SRBD1: variants seen among roughly 807,000 people sequenced by gnomAD.
SRBD1 encodes S1 RNA binding domain 1.
SRBD1 carries 88 observed loss-of-function variants against 115.3 expected under a neutral mutation model. The observed-to-expected ratio is 0.76, with a 90% CI of 0.64 to 0.91. The LOEUF (loss-of-function observed/expected upper bound fraction) is 0.91, where lower values mean the gene tolerates loss of function less well. SRBD1 is among the 40% of genes least tolerant of loss of function. The pLI, the probability that SRBD1 is intolerant of heterozygous loss-of-function variation, is 0.00. For synonymous variants in SRBD1, 509 were observed against 407.7 expected (o/e 1.25, Z -2.99); for missense variants, 1,385 against 1,177.4 (o/e 1.18, Z -2.58).
intron 14 of SRBD1, among the ~76,000 whole-genome samples, chr2:45,524,505 A>T (rs1671381103): frequency 6.6e-6 from 1 of 152,038 alleles, no homozygotes; most frequent in Non-Finnish European, 1.5e-5. Flanking sequence ...TCCTTGCAAG[A>T]AACAATTAAA....
At chr2:45,551,542 A>G (rs1045333434) in intron 11 of SRBD1, among the ~76,000 whole-genome samples, 27 of 152,284 alleles carry the variant, frequency 1.8e-4, no homozygotes, top group Admixed American at 1.0e-3. Flanking sequence ...CTGTATATAA[A>G]ACCCATATTT....
At chr2:45,609,852 C>T (rs1217931616) in intron 1 of SRBD1, among the ~76,000 whole-genome samples, 2 of 152,168 alleles carry the variant, frequency 1.3e-5, no homozygotes, top group African/African-American at 2.4e-5. Flanking sequence ...TTATTGCTTG[C>T]ACTGCTGTCA....
intron 14 of SRBD1, among the ~76,000 whole-genome samples, chr2:45,496,885 A>C (rs1010815823): frequency 5.3e-5 from 8 of 152,106 alleles, no homozygotes; most frequent in African/African-American, 1.9e-4. Context: ...TCAACCTTCA[A>C]AATTTCTGTT....
intron 14 of SRBD1, among the ~76,000 whole-genome samples, chr2:45,527,938 G>A (rs1233620874): frequency 6.6e-6 from 1 of 151,834 alleles, no homozygotes; most frequent in Non-Finnish European, 1.5e-5. Context: ...CACTTAAATG[G>A]AAGCCACTGA....
Position 45,589,385 on chromosome 2 carries a change from TC to T in SRBD1, c.649-3612del, listed in dbSNP as rs144581982. 3.6e-3 allele frequency among the ~76,000 whole-genome samples: 545 copies of T among 152,264 alleles called. 4 individuals carry two copies. The highest frequency in any genetic ancestry group is 0.013 in the African/African-American group (529 of 41,562). ...GCACCATGTTTTTAAAGAAAAGATCTCCCTGAGGTAACCAAGGGAGGCCTGC... is the reference window on the plus strand; with the variant it reads ...GCACCATGTTTTTAAAGAAAAGATCTCCTGAGGTAACCAAGGGAGGCCTGC... On this transcript the variant is annotated intron_variant, in intron 4 of 20. Coordinates refer to ENST00000263736, the MANE Select transcript of SRBD1 (RefSeq NM_018079.5).
At chr2:45,555,620 A>G (rs568971374) in intron 10 of SRBD1, among the ~76,000 whole-genome samples, 22 of 150,460 alleles carry the variant, frequency 1.5e-4, no homozygotes, top group African/African-American at 5.4e-4. Context: ...CCTCCTGAGT[A>G]GCTGGGACTA....
chr2:45,546,222 C>A, intron 14 of SRBD1: 1 of 985,408 alleles, frequency 1.0e-6, no homozygotes, highest in South Asian at 4.7e-5. Context: ...AAGCTATTCA[C>A]AAGTTATCTG....
intron 17 of SRBD1, among the ~76,000 whole-genome samples, chr2:45,418,840 A>T (rs907031309): frequency 6.6e-5 from 10 of 152,208 alleles, no homozygotes; most frequent in Non-Finnish European, 1.3e-4. Context: ...TTTCTATACT[A>T]TTCACATTCC....
chr2:45,500,308 T>C (rs1429311993), intron 14 of SRBD1, among the ~76,000 whole-genome samples: 1 of 151,938 alleles, frequency 6.6e-6, no homozygotes, highest in Non-Finnish European at 1.5e-5. Flanking sequence ...TGTATGTGTG[T>C]GTTTGGTTAA....
rs552179909 is a variant in SRBD1 at position 45,440,823 on chromosome 2, G to A, written c.2050-20929C>T. ...CAGAAAGAGAGAGACAGAAATAGAG[G>A]GAAGGAGGGAGGGAAGGCAGGGAGG... On this transcript the variant is annotated intron_variant, in intron 16 of 20. Coordinates refer to ENST00000263736, the MANE Select transcript of SRBD1 (RefSeq NM_018079.5). 1.7e-3 allele frequency among the ~76,000 whole-genome samples: 255 copies of A among 152,242 alleles called. 1 individual carries two copies. The highest frequency in any genetic ancestry group is 5.9e-3 in the African/African-American group (244 of 41,544).
intron 16 of SRBD1, among the ~76,000 whole-genome samples, chr2:45,464,762 T>C (rs1387092942): frequency 1.3e-5 from 2 of 152,102 alleles, no homozygotes; most frequent in Non-Finnish European, 2.9e-5. Context: ...TCACAGAATG[T>C]GTAAATGAGA....
chr2:45,565,991 CT>C, intron 9 of SRBD1, among the ~76,000 whole-genome samples: 1 of 152,128 alleles, frequency 6.6e-6, no homozygotes, highest in Non-Finnish European at 1.5e-5. Context: ...ATACAAATGA[CT>C]GATAAGTACA....
chr2:45,549,696 C>CAAAAAAAAAAAAAAAAAAAAA lies in SRBD1; in HGVS notation c.1675+1428_1675+1429insTTTTTTTTTTTTTTTTTTTTT, dbSNP rs10646755. Among the ~76,000 whole-genome samples, 5 of 84,746 alleles carry CAAAAAAAAAAAAAAAAAAAAA rather than the reference C, an allele frequency of 5.9e-5. 2 individuals carry two copies. The highest frequency in any genetic ancestry group is 1.1e-4 in the Non-Finnish European group (5 of 45,262). The allele number at this position is 84,746 out of a possible 152,430, so 55.6% of individuals were successfully genotyped here. A position where few individuals can be genotyped will look rare whatever the true frequency, so the allele number is the denominator to read the frequency against. ...CGAAACTCCGTCTCTACTAAAAATACAAAAAAAAAAAAAAAAAAAAGGCAG... is the reference window on the plus strand; with the variant it reads ...CGAAACTCCGTCTCTACTAAAAATACAAAAAAAAAAAAAAAAAAAAAAAAAAAAAAAAAAAAAAAAAGGCAG... On this transcript the variant is annotated intron_variant, in intron 12 of 20. Transcript: ENST00000263736.
intron 14 of SRBD1, among the ~76,000 whole-genome samples, chr2:45,542,497 C>G (rs1243202875): frequency 6.6e-6 from 1 of 152,206 alleles, no homozygotes; most frequent in East Asian, 1.9e-4. Flanking sequence ...GAGCATGCAA[C>G]CCAAGCCACA....
intron 14 of SRBD1, among the ~76,000 whole-genome samples, chr2:45,538,688 A>C (rs1159089410): frequency 6.6e-6 from 1 of 152,238 alleles, no homozygotes; most frequent in Non-Finnish European, 1.5e-5. Context: ...GAGGTAGTAA[A>C]GAAAAAGTTG....
chr2:45,450,245 C>T (rs1668953174), intron 16 of SRBD1, among the ~76,000 whole-genome samples: 1 of 152,114 alleles, frequency 6.6e-6, no homozygotes, highest in African/African-American at 2.4e-5. Flanking sequence ...CATTAATTCT[C>T]TGTTAAGTAT....
intron 1 of SRBD1, among the ~76,000 whole-genome samples, chr2:45,610,289 T>G (rs763427865): frequency 1.3e-5 from 2 of 152,088 alleles, no homozygotes; most frequent in Admixed American, 6.5e-5. Flanking sequence ...AAAAAAAAAT[T>G]TAAATTCAAG....
intron 16 of SRBD1, among the ~76,000 whole-genome samples, chr2:45,465,646 T>A (rs1415477790): frequency 6.6e-6 from 1 of 152,198 alleles, no homozygotes; most frequent in East Asian, 1.9e-4. Context: ...AGTTTCATTT[T>A]AAAAATATTA....
At position 45,390,770 on chromosome 2, in the gene SRBD1, C is replaced by T. The variant is rs530773276; in HGVS notation, c.2699-1171G>A. 9.2e-5 allele frequency among the ~76,000 whole-genome samples: 14 copies of T among 152,284 alleles called. No homozygotes were observed. In the East Asian group the frequency reaches 1.7e-3, roughly 19 times the overall value. The stretch of plus-strand genomic sequence containing the variant: ...CTTCCCTTCCCCCAGTCCAACCATA[C>T]TGATACCAAGACGTTTTAAAAATTA... On this transcript the variant is annotated intron_variant, in intron 20 of 20. Transcript: ENST00000263736.
Sources: allele counts gnomAD v4.1 joint callset (sites outside exome capture counted in the v4.1 genomes callset), GRCh38; gene constraint gnomAD v4.1.1; transcripts MANE v1.5; gene names NCBI Gene and HGNC (gene_info 2026-07-23, HGNC 2026-07-21).